KIR3DL2: variants seen among roughly 807,000 people sequenced by gnomAD.
The protein encoded by KIR3DL2 is killer cell immunoglobulin-like receptor 3DL2.
A neutral mutation model predicts 41.6 loss-of-function variants in KIR3DL2; 42 were observed. That is an observed-to-expected ratio of 1.01 (90% CI 0.79 to 1.31). The LOEUF (loss-of-function observed/expected upper bound fraction) is 1.31. Ranked by LOEUF, KIR3DL2 falls within the 50% of genes most tolerant of loss-of-function variation. The pLI is 0.00. For synonymous variants in KIR3DL2, 230 were observed against 221.3 expected, an observed-to-expected ratio of 1.04 and a Z score of -0.35; for missense variants, 728 against 576.8, an observed-to-expected ratio of 1.26 and a Z score of -2.68.
At chr19:54,855,007 GATAC>G (rs2064621262) in intron 4 of KIR3DL2, among the ~76,000 whole-genome samples, 1 of 150,648 alleles carries the variant, frequency 6.6e-6, no homozygotes, top group Non-Finnish European at 1.5e-5. Flanking sequence ...ATAGGTTATA[GATAC>G]ATAGATGATG....
At chr19:54,851,493 G>T (rs2064233659) in intron 2 of KIR3DL2, among the ~76,000 whole-genome samples, 1 of 151,334 alleles carries the variant, frequency 6.6e-6, no homozygotes, top group African/African-American at 2.5e-5. Flanking sequence ...GGAGGAAGTG[G>T]TGTCAGCAGC....
At position 54,855,887 on chromosome 19, in the gene KIR3DL2, T is replaced by A. The variant is rs2145621080; in HGVS notation, c.924T>A (p.Ser308Arg). ...TGCCCTGCGTGTGGTCAAACTCAAG[T>A]GACCCACTGCTTGTTTCTGTCACAG... ...RALPCVWSNS[S>R]DPLLVSVTGN... The change falls in exon 5 of 9, where the codon AGT (serine) becomes AGA (arginine). Residue 308 changes from serine (S) to arginine (R), a missense_variant. Coordinates refer to ENST00000326321, the MANE Select transcript of KIR3DL2 (RefSeq NM_006737.4). 1 of 1,613,602 alleles carries A rather than the reference T, an allele frequency of 6.2e-7. No homozygotes were observed. The highest frequency in any genetic ancestry group is 2.2e-5 in the East Asian group (1 of 44,872).
chr19:54,852,402 A>AT, intron 3 of KIR3DL2, 120 bp downstream of exon 3: 1 of 1,316,538 alleles, frequency 7.6e-7, no homozygotes, highest in South Asian at 1.3e-5. Flanking sequence ...GTCAAGGGAG[A>AT]TTGAATACAG....
In KIR3DL2 at chr19:54,853,738, T is replaced by A. The variant is rs1287546810; in HGVS notation, c.356-9T>A. 1 of 1,608,206 alleles carries A rather than the reference T, an allele frequency of 6.2e-7. No individual in the cohort carries two copies. ...AGATGCCTTCTAAACTCACAACTTC[T>A]CTTTCTAGGAAACCACAGAAAACCT... On this transcript the variant is annotated splice_polypyrimidine_tract_variant and intron_variant, in intron 3 of 8. Coordinates refer to ENST00000326321, the MANE Select transcript of KIR3DL2 (RefSeq NM_006737.4).
At chr19:54,865,170 G>A (rs1336564556) in intron 6 of KIR3DL2, among the ~76,000 whole-genome samples, 1 of 151,946 alleles carries the variant, frequency 6.6e-6, no homozygotes, top group Non-Finnish European at 1.5e-5. Flanking sequence ...TTATTGATTT[G>A]CATATATTGA....
Position 54,866,623 on chromosome 19 carries a change from A to G in KIR3DL2, c.1260A>G (p.Thr420=), listed in dbSNP as rs764367335. 5.6e-6 allele frequency: 9 copies of G among 1,613,712 alleles called. No homozygotes were observed. Among genetic ancestry groups the G allele is most frequent in the South Asian group, 4.4e-5 (4 of 91,072 alleles). Residue 420 remains threonine, a synonymous_variant, in exon 9 of 9, where the codon ACA becomes ACG. Transcript: ENST00000326321. ...KISRPSQRPK[T]PLTDTSVYTE... is the part of the protein sequence containing the mutation. ...GTCGCCCTTCTCAGAGGCCCAAGAC[A>G]CCCCTAACAGATACCAGCGTGTACA...
chr19:54,850,818 AGTGGAGATATGGGTCTGAT>A (rs1278406624), intron 1 of KIR3DL2, among the ~76,000 whole-genome samples: 2 of 64,876 alleles, frequency 3.1e-5, no homozygotes, highest in African/African-American at 1.2e-4. Flanking sequence ...ATGGGCCTGG[AGTGGAGATATGGGTCTGAT>A]GTGGAGATAT....
chr19:54,854,178 C>A, intron 4 of KIR3DL2, 132 bp downstream of exon 4: 1 of 1,146,514 alleles, frequency 8.7e-7, no homozygotes, highest in Non-Finnish European at 1.3e-6. Flanking sequence ...TCGGTGAGGT[C>A]TGTACCAACA....
intron 3 of KIR3DL2, 136 bp from the exon 4 acceptor site, chr19:54,853,611 G>A (rs2064478113): frequency 9.9e-7 from 1 of 1,009,072 alleles, no homozygotes; most frequent in South Asian, 1.4e-5. Flanking sequence ...AGGGGATATG[G>A]GCACAGAAAA....
chr19:54,854,299 GA>G (rs1317497749), intron 4 of KIR3DL2, among the ~76,000 whole-genome samples: 2 of 151,776 alleles, frequency 1.3e-5, no homozygotes, highest in Non-Finnish European at 2.9e-5. Flanking sequence ...GAGACACTCA[GA>G]CAGACAGACA....
intron 3 of KIR3DL2, among the ~76,000 whole-genome samples, chr19:54,852,561 G>A (rs1318895513): frequency 6.6e-6 from 1 of 151,704 alleles, no homozygotes; most frequent in Non-Finnish European, 1.5e-5. Flanking sequence ...TTGAGATGGG[G>A]AGACAGCCTG....
intron 3 of KIR3DL2, among the ~76,000 whole-genome samples, 165 bp downstream of exon 3, chr19:54,852,447 C>T (rs1171710699): frequency 1.3e-5 from 2 of 151,370 alleles, no homozygotes; most frequent in Non-Finnish European, 2.9e-5. Context: ...GAATAACTGT[C>T]GCCAATGATG....
At chr19:54,863,950 G>A (rs1334596305) in intron 6 of KIR3DL2, among the ~76,000 whole-genome samples, 1 of 152,050 alleles carries the variant, frequency 6.6e-6, no homozygotes, top group Non-Finnish European at 1.5e-5. Context: ...GTCCTGAATG[G>A]TAATGCCTAG....
rs77609366 is a variant in KIR3DL2 at position 54,858,500 on chromosome 19, G to A, written c.950-579G>A. 4.2e-3 allele frequency among the ~76,000 whole-genome samples: 626 copies of A among 150,058 alleles called. 16 individuals carry two copies. The highest frequency in any genetic ancestry group is 0.034 in the Admixed American group (514 of 15,092). ...TTCCAGCACTTTGGGAGGCCGAGGCGGGTGGATCACCTAAAGCCAGGAGTT... is the reference window on the plus strand; with the variant it reads ...TTCCAGCACTTTGGGAGGCCGAGGCAGGTGGATCACCTAAAGCCAGGAGTT... On this transcript the variant is annotated intron_variant, in intron 5 of 8. Transcript: ENST00000326321.
chr19:54,856,413 G>T (rs2064782719), intron 5 of KIR3DL2, among the ~76,000 whole-genome samples: 1 of 151,746 alleles, frequency 6.6e-6, no homozygotes, highest in South Asian at 2.1e-4. Flanking sequence ...GGGTGTGGTG[G>T]TTCACGGTTG....
At chr19:54,862,162 C>A (rs539552653) in intron 6 of KIR3DL2, among the ~76,000 whole-genome samples, 1 of 152,054 alleles carries the variant, frequency 6.6e-6, no homozygotes, top group African/African-American at 2.4e-5. Context: ...ACATGTGTCT[C>A]GCGAGATCAC....
rs112879661 is a variant in KIR3DL2, at chr19:54,854,676, T to G, written c.655+630T>G. On this transcript the variant is annotated intron_variant, in intron 4 of 8. Coordinates refer to ENST00000326321, the MANE Select transcript of KIR3DL2 (RefSeq NM_006737.4). ...AGAGACACAGAGATAAATCAGGGACTTCAAAAAGCAAAGGCATAAACACAC... is the reference window on the plus strand; with the variant it reads ...AGAGACACAGAGATAAATCAGGGACGTCAAAAAGCAAAGGCATAAACACAC... Among the ~76,000 whole-genome samples, 241 of 151,632 alleles carry G rather than the reference T, an allele frequency of 1.6e-3. 7 individuals carry two copies. Among genetic ancestry groups the G allele is most frequent in the African/African-American group, 5.4e-3 (224 of 41,134 alleles).
intron 6 of KIR3DL2, among the ~76,000 whole-genome samples, chr19:54,863,987 T>G (rs1362195418): frequency 6.6e-6 from 1 of 152,128 alleles, no homozygotes; most frequent in African/African-American, 2.4e-5. Flanking sequence ...TTTATGGTTT[T>G]AGGTCTAACG....
intron 3 of KIR3DL2, among the ~76,000 whole-genome samples, chr19:54,853,169 G>C (rs1174869247): frequency 1.3e-5 from 2 of 151,502 alleles, no homozygotes; most frequent in South Asian, 2.1e-4. Flanking sequence ...GCTACCGTGG[G>C]ATCAGCAAGG....
Sources: gnomAD v4.1 joint callset for allele counts (sites outside exome capture counted in the v4.1 genomes callset) on GRCh38, gnomAD v4.1.1 for gene constraint, MANE v1.5 for transcripts, NCBI Gene and HGNC (gene_info 2026-07-23, HGNC 2026-07-21) for gene names.